The following WDR27 variants were observed in gnomAD, a reference collection of about 807,000 sequenced individuals.
WDR27 encodes the protein WD repeat domain 27, also known as WD repeat-containing protein 27.
Under a neutral mutation model 114.4 loss-of-function variants are expected in WDR27, and 100 were observed. That is an observed-to-expected ratio of 0.87 (90% CI 0.74 to 1.03). WDR27 has a LOEUF of 1.03. Among genes scored for constraint, WDR27 ranks in the 50% least tolerant of loss-of-function variants. WDR27 has a pLI of 0.00. For missense variants in WDR27, 1,129 were observed against 1,092.9 expected (o/e 1.03, Z -0.47); for synonymous variants, 449 against 423.1 (o/e 1.06, Z -0.75).
intron 25 of WDR27, among the ~76,000 whole-genome samples, chr6:169,529,155 T>C (rs558089338): frequency 1.6e-4 from 24 of 152,274 alleles, no homozygotes; most frequent in African/African-American, 5.8e-4. Context: ...CCATCATAAC[T>C]AAGGAGGTGA....
In WDR27 at chr6:169,670,928, G is replaced by A. The variant is rs567072769; in HGVS notation, c.332-235C>T. 43 of 485,694 alleles carry A rather than the reference G, an allele frequency of 8.9e-5. 1 individual carries two copies. The highest frequency in any genetic ancestry group is 6.2e-4 in the African/African-American group (32 of 51,664). 30.1% of individuals were successfully genotyped at this position (485,694 alleles called of 1,614,324 possible). The stretch of plus-strand genomic sequence containing the variant: ...AGAGACTCTCTCAGCATCGAAACAC[G>A]AAGATGCCTTTCTCTGGAGGCTGCA... On this transcript the variant is annotated intron_variant, in intron 3 of 25. Transcript: ENST00000448612.
chr6:169,701,111 C>G (rs994888377), intron 1 of WDR27, among the ~76,000 whole-genome samples: 1 of 152,076 alleles, frequency 6.6e-6, no homozygotes, highest in Non-Finnish European at 1.5e-5. Context: ...TTTACTGGTA[C>G]AGAGCAGTGT....
rs752460359 is a variant in WDR27, at chr6:169,602,320, A to G, written c.2323T>C (p.Cys775Arg). 4.6e-6 allele frequency: 7 copies of G among 1,518,066 alleles called. No homozygotes were observed. In the Middle Eastern group the frequency reaches 1.0e-3, roughly 222 times the overall value. 94.0% of individuals were successfully genotyped at this position (1,518,066 alleles called of 1,614,324 possible). Residue 775 changes from cysteine (C) to arginine (R), a missense_variant and splice_region_variant, in exon 23 of 26, where the codon TGT (cysteine) becomes CGT (arginine). Physicochemically the swap from Cys to Arg is radical, Grantham distance 180. Transcript: ENST00000448612. Reference protein sequence around the residue: ...MRLWDLRTLRCERHFEGHPTR... With the variant: ...MRLWDLRTLRRERHFEGHPTR... ...GGATGCCCTTCAAAGTGGCGCTCAC[A>G]CCTACAGGGAGGAAAGAAACACCAG...
At chr6:169,624,630 G>T (rs1211076609) in intron 21 of WDR27, among the ~76,000 whole-genome samples, 6 of 152,112 alleles carry the variant, frequency 3.9e-5, no homozygotes, top group African/African-American at 1.4e-4. Context: ...AATAACTAAA[G>T]AAAACTTCAT....
At chr6:169,451,902 T>A in the WDR27 span, among the ~76,000 whole-genome samples, 1 of 152,048 alleles carries the variant, frequency 6.6e-6, no homozygotes, top group African/African-American at 2.4e-5. Flanking sequence ...TTTTAAATAT[T>A]ATCTTAACAC....
chr6:169,543,530 C>A (rs1797081976), intron 25 of WDR27, among the ~76,000 whole-genome samples: 1 of 151,830 alleles, frequency 6.6e-6, no homozygotes, highest in South Asian at 2.1e-4. Flanking sequence ...ATAATAAATC[C>A]ATTACCTTTT....
chr6:169,520,400 G>T (rs549314160), intron 25 of WDR27, among the ~76,000 whole-genome samples: 1 of 152,228 alleles, frequency 6.6e-6, no homozygotes, highest in East Asian at 1.9e-4. Context: ...AAATTACAAA[G>T]AATTTTTTAG....
At chr6:169,622,396 C>T (rs565385474) in intron 21 of WDR27, among the ~76,000 whole-genome samples, 316 of 152,304 alleles carry the variant, frequency 2.1e-3, no homozygotes, top group African/African-American at 7.0e-3. Flanking sequence ...GGTTCACACA[C>T]ACGCACATAC....
intron 25 of WDR27, among the ~76,000 whole-genome samples, chr6:169,570,904 C>T (rs1312789599): frequency 2.0e-5 from 3 of 152,192 alleles, no homozygotes; most frequent in Non-Finnish European, 2.9e-5. Flanking sequence ...TCTCCCGTGG[C>T]GGCCAGGAAG....
intron 22 of WDR27, among the ~76,000 whole-genome samples, chr6:169,610,917 G>A (rs1049097768): frequency 1.3e-5 from 2 of 152,056 alleles, no homozygotes; most frequent in African/African-American, 4.8e-5. Context: ...AGGTGGGTGA[G>A]GAATAAAAAA....
chr6:169,490,108 T>C (rs1433102368), intron 25 of WDR27, among the ~76,000 whole-genome samples: 1 of 152,226 alleles, frequency 6.6e-6, no homozygotes, highest in Non-Finnish European at 1.5e-5. Context: ...AAAACACTTG[T>C]CACCACTAAA....
rs147641239 is a variant in WDR27, at chr6:169,682,179, G to T, written c.189+6638C>A. ...CGCAGGGTCTCCCTGGGAGACAAATGACTCTCTGAGCCAACAAAATCAGCT... is the reference window on the plus strand; with the variant it reads ...CGCAGGGTCTCCCTGGGAGACAAATTACTCTCTGAGCCAACAAAATCAGCT... On this transcript the variant is annotated intron_variant, in intron 2 of 25. Coordinates refer to ENST00000448612, the MANE Select transcript of WDR27 (RefSeq NM_182552.5). 3.3e-5 allele frequency among the ~76,000 whole-genome samples: 5 copies of T among 152,110 alleles called. No individual in the cohort carries two copies. The East Asian group carries it at 9.7e-4, about 29-fold the overall frequency.
intron 24 of WDR27, among the ~76,000 whole-genome samples, chr6:169,580,661 C>T (rs1297533851): frequency 1.3e-5 from 2 of 152,108 alleles, no homozygotes; most frequent in Admixed American, 6.5e-5. Flanking sequence ...TAATTACCAA[C>T]ATTGTCCAAT....
intron 1 of WDR27, among the ~76,000 whole-genome samples, chr6:169,690,897 A>G (rs913744034): frequency 6.6e-6 from 1 of 152,108 alleles, no homozygotes; most frequent in Non-Finnish European, 1.5e-5. Context: ...AGGAGAATGG[A>G]CCACTCGAGA....
At chr6:169,512,072 A>G (rs1792972487) in intron 25 of WDR27, among the ~76,000 whole-genome samples, 1 of 152,202 alleles carries the variant, frequency 6.6e-6, no homozygotes, top group Non-Finnish European at 1.5e-5. Flanking sequence ...AGCTATAACC[A>G]GTATACATAA....
At chr6:169,654,465 C>G (rs1562827376) in intron 13 of WDR27, among the ~76,000 whole-genome samples, 2 of 152,228 alleles carry the variant, frequency 1.3e-5, no homozygotes, top group South Asian at 4.1e-4. Flanking sequence ...TGATTAAACA[C>G]AAGCAATAAC....
At chr6:169,658,928 C>A (rs1454384086) in intron 12 of WDR27, among the ~76,000 whole-genome samples, 158 bp downstream of exon 12, 4 of 152,186 alleles carry the variant, frequency 2.6e-5, no homozygotes, top group Non-Finnish European at 5.9e-5. Context: ...ACCTCGTGAT[C>A]CACCCGCCTC....
intron 25 of WDR27, among the ~76,000 whole-genome samples, chr6:169,543,680 G>A (rs1397279627): frequency 6.6e-6 from 1 of 152,056 alleles, no homozygotes; most frequent in Non-Finnish European, 1.5e-5. Flanking sequence ...GGTTGGGAAA[G>A]GAAGAAGTAT....
intron 1 of WDR27, among the ~76,000 whole-genome samples, chr6:169,699,953 A>C (rs985648001): frequency 3.9e-5 from 6 of 152,078 alleles, no homozygotes; most frequent in Non-Finnish European, 8.8e-5. Context: ...CTCTACTTCA[A>C]CCTGGACAAC....
Sources: gnomAD v4.1 joint callset for allele counts (sites outside exome capture counted in the v4.1 genomes callset) on GRCh38, gnomAD v4.1.1 for gene constraint, MANE v1.5 for transcripts, NCBI Gene and HGNC (gene_info 2026-07-23, HGNC 2026-07-21) for gene names.